Variants in PDE1C observed in about 807,000 individuals in gnomAD.
The protein encoded by PDE1C is phosphodiesterase 1C.
A neutral mutation model predicts 93.1 loss-of-function variants in PDE1C; 62 were observed. That is an observed-to-expected ratio of 0.67 (90% confidence interval 0.54 to 0.82). The LOEUF (loss-of-function observed/expected upper bound fraction) is 0.82. Among genes scored for constraint, PDE1C ranks in the 40% least tolerant of loss-of-function variants. The probability of loss-of-function intolerance (pLI) is 0.00; values close to 1 mark genes in which losing one functional copy is unlikely to be tolerated. For synonymous variants in PDE1C, 325 were observed against 310.1 expected (o/e 1.05, Z -0.50); for missense variants, 742 against 884.6 (o/e 0.84, Z 2.04).
At chr7:31,731,748 C>G in the PDE1C span, among the ~76,000 whole-genome samples, 1 of 150,282 alleles carries the variant, frequency 6.7e-6, no homozygotes, top group African/African-American at 2.5e-5. Context: ...TCACTAGCAC[C>G]CGGGTCTGGT....
chr7:32,183,354 G>C (rs1803580611), intron 2 of PDE1C, among the ~76,000 whole-genome samples: 1 of 152,164 alleles, frequency 6.6e-6, no homozygotes, highest in African/African-American at 2.4e-5. Context: ...TCAATCCTAA[G>C]CCAAAAGAAC....
intron 1 of PDE1C, among the ~76,000 whole-genome samples, chr7:32,374,197 AGGGAAAGAGAGG>A (rs1784384137): frequency 1.4e-5 from 2 of 139,798 alleles, no homozygotes; most frequent in African/African-American, 5.9e-5. Flanking sequence ...AAAGAAAGAG[AGGGAAAGAGAGG>A]GAAAGAAAGG....
intron 1 of PDE1C, among the ~76,000 whole-genome samples, chr7:32,354,205 GC>G (rs1783988377): frequency 6.6e-6 from 1 of 152,162 alleles, no homozygotes; most frequent in Admixed American, 6.5e-5. Flanking sequence ...AACTCCTTGA[GC>G]TTTGATGAAT....
At chr7:31,849,890 G>T (rs569735189) in intron 8 of PDE1C, among the ~76,000 whole-genome samples, 1 of 152,240 alleles carries the variant, frequency 6.6e-6, no homozygotes, top group Non-Finnish European at 1.5e-5. Context: ...AATGACAATT[G>T]ACTGGTGCTA....
chr7:31,964,815 G>A (rs547916801), intron 2 of PDE1C, among the ~76,000 whole-genome samples: 15 of 152,298 alleles, frequency 9.8e-5, no homozygotes, highest in South Asian at 6.2e-4. Context: ...ATGCTGTTCC[G>A]CAGCCACCGT....
In PDE1C at chr7:31,828,546, G is replaced by A. The variant is rs188932307; in HGVS notation, c.1204-173C>T. 1.8e-4 allele frequency among the ~76,000 whole-genome samples: 28 copies of A among 152,248 alleles called. 1 individual carries two copies. The East Asian group carries it at 4.6e-3, about 25-fold the overall frequency. On this transcript the variant is annotated intron_variant, in intron 11 of 17. Transcript: ENST00000396191. ...TTCTCTACATAAAAGACACCAAAAG[G>A]CTGAAGCCCTCTGGGATCCAATAGT... is the stretch of plus-strand genomic sequence containing the variant.
chr7:32,011,886 C>A (rs899051272), intron 2 of PDE1C, among the ~76,000 whole-genome samples: 2 of 152,100 alleles, frequency 1.3e-5, no homozygotes, highest in African/African-American at 4.8e-5. Context: ...ATGTTCTTAG[C>A]AACTATATTC....
intron 2 of PDE1C, among the ~76,000 whole-genome samples, chr7:32,034,030 A>T (rs1465744757): frequency 3.3e-5 from 5 of 149,720 alleles, no homozygotes; most frequent in Non-Finnish European, 5.9e-5. Flanking sequence ...AATTAGACTT[A>T]ATCAGTGGTA....
At chr7:31,650,066 T>C in the PDE1C span, among the ~76,000 whole-genome samples, 1 of 152,252 alleles carries the variant, frequency 6.6e-6, no homozygotes, top group South Asian at 2.1e-4. Flanking sequence ...TAACTGAAGT[T>C]AGGATTCTGC....
At chr7:32,356,029 G>A (rs892346606) in intron 1 of PDE1C, among the ~76,000 whole-genome samples, 25 of 152,204 alleles carry the variant, frequency 1.6e-4, no homozygotes, top group Non-Finnish European at 2.9e-5. Context: ...TATCTTGACA[G>A]ATAATTGGAC....
At chr7:32,230,313 C>T (rs562533323) in intron 1 of PDE1C, among the ~76,000 whole-genome samples, 3 of 152,222 alleles carry the variant, frequency 2.0e-5, no homozygotes, top group East Asian at 1.9e-4. Flanking sequence ...GGGAGGAAAT[C>T]GAGCACTTAA....
chr7:31,819,634 G>A lies in PDE1C; in HGVS notation c.1582+3439C>T, dbSNP rs183045123. ...GCAAGCAGCTAAGAGTTAAGGTAGA[G>A]CAGAGCCCTCGAGATCCATAAATTT... On this transcript the variant is annotated intron_variant, in intron 14 of 17. Coordinates refer to ENST00000396191, the MANE Select transcript of PDE1C (RefSeq NM_001191057.4). 2.2e-4 allele frequency among the ~76,000 whole-genome samples: 34 copies of A among 152,180 alleles called. No individual in the cohort carries two copies. The East Asian group carries it at 6.6e-3, about 30-fold the overall frequency.
intron 6 of PDE1C, among the ~76,000 whole-genome samples, chr7:31,866,244 T>G (rs930387478): frequency 1.1e-4 from 16 of 152,218 alleles, no homozygotes; most frequent in Admixed American, 9.2e-4. Flanking sequence ...TTAATACTCC[T>G]GAGATTCCAT....
intron 2 of PDE1C, among the ~76,000 whole-genome samples, chr7:31,937,710 G>A (rs572213570): frequency 6.6e-6 from 1 of 152,252 alleles, no homozygotes; most frequent in Non-Finnish European, 1.5e-5. Context: ...AGACATCCAG[G>A]ACTATTCATT....
upstream of PDE1C, among the ~76,000 whole-genome samples, chr7:32,303,036 T>G (rs1269376760): frequency 6.6e-6 from 1 of 152,214 alleles, no homozygotes; most frequent in Non-Finnish European, 1.5e-5. Flanking sequence ...CCTTGCTCCT[T>G]TGGCTGTAAT....
chr7:31,914,528 C>T (rs1393743818), intron 2 of PDE1C, among the ~76,000 whole-genome samples: 1 of 152,192 alleles, frequency 6.6e-6, no homozygotes, highest in Non-Finnish European at 1.5e-5. Context: ...TAATCCCTTT[C>T]CCTTTAGCTA....
chr7:32,291,533 A>G (rs1404779186), intron 1 of PDE1C, among the ~76,000 whole-genome samples: 1 of 152,262 alleles, frequency 6.6e-6, no homozygotes, highest in Non-Finnish European at 1.5e-5. Flanking sequence ...GCAGCTACAC[A>G]TGGACTTGCC....
intron 3 of PDE1C, among the ~76,000 whole-genome samples, chr7:32,111,185 C>T (rs1350182952): frequency 6.6e-6 from 1 of 151,994 alleles, no homozygotes; most frequent in Non-Finnish European, 1.5e-5. Context: ...TAAAAGCCTG[C>T]AAAAATATAA....
chr7:31,996,585 C>G (rs1784756866), intron 2 of PDE1C, among the ~76,000 whole-genome samples: 1 of 152,156 alleles, frequency 6.6e-6, no homozygotes, highest in South Asian at 2.1e-4. Flanking sequence ...GGCTGGGAGC[C>G]TCAAGGGGCT....
Sources: allele counts gnomAD v4.1 joint callset (sites outside exome capture counted in the v4.1 genomes callset), GRCh38; gene constraint gnomAD v4.1.1; transcripts MANE v1.5; gene names NCBI Gene and HGNC (gene_info 2026-07-23, HGNC 2026-07-21).